The following CSGALNACT2 variants were observed in gnomAD, a reference collection of about 807,000 sequenced individuals.
CSGALNACT2 encodes the protein chondroitin sulfate N-acetylgalactosaminyltransferase 2.
In CSGALNACT2, 35 loss-of-function variants were observed where a neutral mutation model predicts 55.3. The observed-to-expected ratio is 0.63, with a 90% CI of 0.48 to 0.84. The LOEUF is 0.84. Ranked by LOEUF, CSGALNACT2 falls within the 40% of genes least tolerant of loss-of-function variation. CSGALNACT2 has a pLI of 0.00. For missense variants in CSGALNACT2, 544 were observed against 657.5 expected (o/e 0.83, Z 1.89); for synonymous variants, 196 against 224.9 (o/e 0.87, Z 1.15).
chr10:43,182,886 CAAAAAA>C (rs67581450), intron 7 of CSGALNACT2, among the ~76,000 whole-genome samples: 2 of 146,372 alleles, frequency 1.4e-5, no homozygotes, highest in Non-Finnish European at 3.0e-5. Context: ...AAAAAAAAAA[CAAAAAA>C]AAAAAGAAAA....
Position 43,176,016 on chromosome 10 carries a change from A to G in CSGALNACT2, c.1320A>G (p.Ser440=), listed in dbSNP as rs1326263238. The change falls in exon 7 of 8, where the codon TCA becomes TCG. Residue 440 remains serine (S), a synonymous_variant. Coordinates refer to ENST00000374466, the MANE Select transcript of CSGALNACT2 (RefSeq NM_018590.5). ...FGFGMTCQYR[S]DFLTIGGFDM... is the part of the protein sequence containing the mutation. ...TTGGAATGACTTGTCAGTATCGTTC[A>G]GATTTCCTGACCATTGGTAAGTATA... 1.2e-6 allele frequency: 2 copies of G among 1,609,528 alleles called. No homozygotes were observed. The highest frequency in any genetic ancestry group is 3.4e-5 in the Admixed American group (2 of 59,112).
intron 7 of CSGALNACT2, among the ~76,000 whole-genome samples, chr10:43,179,230 C>A (rs949401147): frequency 2.0e-5 from 3 of 148,562 alleles, no homozygotes; most frequent in African/African-American, 7.4e-5. Context: ...CTAACACAGG[C>A]AGTTTTTGTT....
At chr10:43,167,413 A>T (rs552111220) in intron 6 of CSGALNACT2, among the ~76,000 whole-genome samples, 1 of 149,560 alleles carries the variant, frequency 6.7e-6, no homozygotes, top group African/African-American at 2.6e-5. Flanking sequence ...TAAAAATTTG[A>T]TTTTAAAAAC....
At chr10:43,142,633 C>T (rs1838654623) in intron 1 of CSGALNACT2, among the ~76,000 whole-genome samples, 1 of 152,236 alleles carries the variant, frequency 6.6e-6, no homozygotes, top group African/African-American at 2.4e-5. Flanking sequence ...TCTGTGACTG[C>T]TTTTGTGCTG....
intron 2 of CSGALNACT2, among the ~76,000 whole-genome samples, chr10:43,156,948 CA>C (rs1299679092): frequency 6.6e-6 from 1 of 152,236 alleles, no homozygotes; most frequent in African/African-American, 2.4e-5. Context: ...TCCAAATCAT[CA>C]TGGCCATCAC....
intron 6 of CSGALNACT2, among the ~76,000 whole-genome samples, chr10:43,167,755 T>C (rs1839297004): frequency 6.6e-6 from 1 of 152,146 alleles, no homozygotes; most frequent in South Asian, 2.1e-4. Context: ...ACACCAGTTT[T>C]TCTACTAATG....
intron 2 of CSGALNACT2, among the ~76,000 whole-genome samples, chr10:43,157,969 C>T (rs1032231173): frequency 3.4e-5 from 5 of 146,396 alleles, no homozygotes; most frequent in Non-Finnish European, 7.4e-5. Context: ...ATGGAGGTTG[C>T]AGTGAGCCAA....
At chr10:43,162,597 A>G in intron 4 of CSGALNACT2, 1 of 985,446 alleles carries the variant, frequency 1.0e-6, no homozygotes, top group Non-Finnish European at 1.2e-6. Flanking sequence ...TCCATGCACT[A>G]TTTGAGCCTT....
At chr10:43,168,673 GACACACACACAC>G (rs55776451) in intron 6 of CSGALNACT2, among the ~76,000 whole-genome samples, 12 of 148,004 alleles carry the variant, frequency 8.1e-5, no homozygotes, top group South Asian at 2.2e-4. Context: ...AGTACACACA[GACACACACACAC>G]ACACACACAC....
In CSGALNACT2 at chr10:43,155,214, T is replaced by A; in HGVS notation, c.65T>A (p.Leu22His). ...THWLLLGLALLCSLVLFMYLL... is the reference protein window; with the variant it reads ...THWLLLGLALHCSLVLFMYLL... ...TGGTTGCTGTTGGGCCTTGCTTTGC[T>A]CTGCAGTTTGGTATTATTTATGTAC... The change falls in exon 2 of 8, where the codon CTC becomes CAC. Residue 22 changes from leucine to histidine, a missense_variant. Coordinates refer to ENST00000374466, the MANE Select transcript of CSGALNACT2 (RefSeq NM_018590.5). 1 of 1,614,188 alleles carries A rather than the reference T, an allele frequency of 6.2e-7. No homozygotes were observed. Among genetic ancestry groups the A allele is most frequent in the Non-Finnish European group, 8.5e-7 (1 of 1,180,032 alleles).
rs186086250 is a variant in CSGALNACT2, at chr10:43,169,125, C to T, written c.1254+2027C>T. 2.4e-3 allele frequency among the ~76,000 whole-genome samples: 361 copies of T among 152,278 alleles called. 3 individuals are homozygous for T. The highest frequency in any genetic ancestry group is 7.9e-3 in the African/African-American group (329 of 41,558). ...GAGCTGGAGAGGCTGGTCGGGGTGGCTAGGGAGCCCCTAGACTACAAAAGT... is the reference window on the plus strand; with the variant it reads ...GAGCTGGAGAGGCTGGTCGGGGTGGTTAGGGAGCCCCTAGACTACAAAAGT... On this transcript the variant is annotated intron_variant, in intron 6 of 7. Coordinates refer to ENST00000374466, the MANE Select transcript of CSGALNACT2 (RefSeq NM_018590.5).
In CSGALNACT2 at chr10:43,164,009, A is replaced by G. The variant is rs1468735769; in HGVS notation, c.1124A>G (p.Glu375Gly). 4.3e-6 allele frequency: 7 copies of G among 1,613,858 alleles called. No homozygotes were observed. The highest frequency in any genetic ancestry group is 1.7e-5 in the Admixed American group (1 of 59,964). Residue 375 changes from glutamate (E) to glycine (G), a missense_variant, in exon 5 of 8, where the codon GAA becomes GGA. By Grantham distance (98) the Glu-to-Gly change is moderately conservative (BLOSUM62 -2). Around this residue, in one of 2 missense-constraint regions of CSGALNACT2, gnomAD observed 170 missense variants for 256.2 expected, o/e 0.66. Coordinates refer to ENST00000374466, the MANE Select transcript of CSGALNACT2 (RefSeq NM_018590.5). ...FCDVDIYFSA[E>G]FLNSCRLNAE... ...GATGTTGATATCTATTTCTCAGCCG[A>G]ATTCCTTAACAGCTGCCGGTTAAAT...
intron 3 of CSGALNACT2, among the ~76,000 whole-genome samples, chr10:43,159,843 CT>C (rs1179505805): frequency 1.8e-4 from 28 of 152,122 alleles, no homozygotes; most frequent in African/African-American, 6.0e-4. Flanking sequence ...GTTTTAGATA[CT>C]TTGATATACT....
chr10:43,165,757 G>A lies in CSGALNACT2; in HGVS notation c.1160-1247G>A, dbSNP rs1023057647. Among the ~76,000 whole-genome samples the A allele has an allele frequency of 3.9e-5, 6 of 152,164 alleles. 1 individual carries two copies. The South Asian group carries it at 1.0e-3, about 26-fold the overall frequency. ...TGTAATCCCAGCACTTTGGGAGGCC[G>A]AGGCAGGCGGATCACCTCAGTCGGG... On this transcript the variant is annotated intron_variant, in intron 5 of 7. Coordinates refer to ENST00000374466, the MANE Select transcript of CSGALNACT2 (RefSeq NM_018590.5).
At chr10:43,146,416 G>T (rs374414799) in intron 1 of CSGALNACT2, among the ~76,000 whole-genome samples, 43 of 152,308 alleles carry the variant, frequency 2.8e-4, no homozygotes, top group African/African-American at 1.0e-3. Flanking sequence ...TTCTACCCCC[G>T]CTGGCAGCTG....
chr10:43,183,336 C>T lies in CSGALNACT2; in HGVS notation c.1423C>T (p.Arg475Trp), dbSNP rs1189084083. The part of the protein sequence containing the change: ...KYLHGDLIVI[R>W]TPVPGLFHLW... Reference sequence around the variant, plus strand: ...CTTACATGGTGACCTCATTGTGATTCGGACTCCGGTTCCTGGTCTTTTCCA... The same window carrying T: ...CTTACATGGTGACCTCATTGTGATTTGGACTCCGGTTCCTGGTCTTTTCCA... The change falls in exon 8 of 8, where the codon CGG becomes TGG. Residue 475 changes from arginine (R) to tryptophan (W), a missense_variant. By Grantham distance (101) the Arg-to-Trp change is moderately radical (BLOSUM62 -3). Coordinates refer to ENST00000374466, the MANE Select transcript of CSGALNACT2 (RefSeq NM_018590.5). The T allele has an allele frequency of 7.4e-6, 12 of 1,613,802 alleles. No homozygotes were observed. The highest frequency in any genetic ancestry group is 4.0e-5 in the African/African-American group (3 of 74,884).
intron 7 of CSGALNACT2, among the ~76,000 whole-genome samples, chr10:43,180,927 C>G (rs1481770947): frequency 6.6e-6 from 1 of 152,158 alleles, no homozygotes; most frequent in Non-Finnish European, 1.5e-5. Flanking sequence ...CTGATAAAAC[C>G]CCAGCAGGTT....
chr10:43,173,740 C>G (rs1372978408), intron 6 of CSGALNACT2, among the ~76,000 whole-genome samples: 1 of 152,038 alleles, frequency 6.6e-6, no homozygotes, highest in African/African-American at 2.4e-5. Context: ...CACGTGTAAT[C>G]CGAGCACTTT....
At chr10:43,158,451 AGTC>A (rs2133118488) in intron 2 of CSGALNACT2, among the ~76,000 whole-genome samples, 1 of 152,354 alleles carries the variant, frequency 6.6e-6, no homozygotes, top group South Asian at 2.1e-4. Flanking sequence ...ATTTTTAAAA[AGTC>A]GTATGTAAAA....
Sources: gnomAD v4.1 joint callset for allele counts (sites outside exome capture counted in the v4.1 genomes callset) on GRCh38, gnomAD v4.1.1 for gene constraint, gnomAD v4.1.1 regional missense constraint, MANE v1.5 for transcripts, NCBI Gene and HGNC (gene_info 2026-07-23, HGNC 2026-07-21) for gene names.